The following HS6ST3 variants were observed in gnomAD, a reference collection of about 807,000 sequenced individuals.
HS6ST3 encodes heparan sulfate 6-O-sulfotransferase 3.
A neutral mutation model predicts 36.7 loss-of-function variants in HS6ST3; 12 were observed. That is an observed-to-expected ratio of 0.33 (90% confidence interval 0.21 to 0.53). The LOEUF is 0.53. Among genes scored for constraint, HS6ST3 ranks in the 20% least tolerant of loss-of-function variants. HS6ST3 has a pLI of 0.95. For synonymous variants in HS6ST3, 240 were observed against 257.5 expected, an observed-to-expected ratio of 0.93 and a Z score of 0.65; for missense variants, 584 against 640.9, an observed-to-expected ratio of 0.91 and a Z score of 0.96.
chr13:96,417,494 C>T (rs1040644177), intron 1 of HS6ST3, among the ~76,000 whole-genome samples: 9 of 151,624 alleles, frequency 5.9e-5, no homozygotes, highest in Admixed American at 2.0e-4. Context: ...TACTTCTTTA[C>T]TAGACTTGGA....
intron 1 of HS6ST3, among the ~76,000 whole-genome samples, chr13:96,722,072 C>G (rs1875863348): frequency 6.6e-6 from 1 of 152,092 alleles, no homozygotes; most frequent in Admixed American, 6.5e-5. Context: ...TTGAGACCAG[C>G]CTGGCCAACA....
intron 1 of HS6ST3, among the ~76,000 whole-genome samples, chr13:96,448,474 T>C (rs756654940): frequency 2.0e-5 from 3 of 152,174 alleles, no homozygotes; most frequent in Non-Finnish European, 2.9e-5. Context: ...AAACTTTCAG[T>C]CCTCATTTCT....
intron 1 of HS6ST3, among the ~76,000 whole-genome samples, chr13:96,557,728 A>G (rs1316214270): frequency 2.0e-5 from 3 of 152,206 alleles, no homozygotes; most frequent in Non-Finnish European, 4.4e-5. Flanking sequence ...GACATCCTCT[A>G]TCATGATAAT....
intron 1 of HS6ST3, among the ~76,000 whole-genome samples, chr13:96,190,513 T>C (rs1341927814): frequency 6.6e-6 from 1 of 152,104 alleles, no homozygotes; most frequent in African/African-American, 2.4e-5. Flanking sequence ...CAGTTATTCA[T>C]TCATTCATTC....
chr13:96,128,598 G>A (rs1393651763), intron 1 of HS6ST3, among the ~76,000 whole-genome samples: 1 of 152,120 alleles, frequency 6.6e-6, no homozygotes, highest in African/African-American at 2.4e-5. Context: ...TTAGTTTACT[G>A]GAGATTTGGG....
At chr13:96,515,286 T>C (rs951535875) in intron 1 of HS6ST3, among the ~76,000 whole-genome samples, 1 of 152,250 alleles carries the variant, frequency 6.6e-6, no homozygotes, top group Non-Finnish European at 1.5e-5. Flanking sequence ...TTATTATTGA[T>C]TGAATGAGTC....
intron 1 of HS6ST3, among the ~76,000 whole-genome samples, chr13:96,703,440 A>G (rs1875340816): frequency 6.6e-6 from 1 of 152,194 alleles, no homozygotes; most frequent in Non-Finnish European, 1.5e-5. Context: ...GAGAATGAAA[A>G]TAATGTTGTG....
At chr13:96,726,085 C>G (rs745953637) in intron 1 of HS6ST3, among the ~76,000 whole-genome samples, 1 of 152,158 alleles carries the variant, frequency 6.6e-6, no homozygotes, top group Non-Finnish European at 1.5e-5. Flanking sequence ...ATCCACCCTC[C>G]TCGGCCTCCC....
rs1038214879 is a variant in HS6ST3, at chr13:96,353,532, A to G, written c.707+261963A>G. On this transcript the variant is annotated intron_variant, in intron 1 of 1. Transcript: ENST00000376705. ...GAAAATATAAAGCTTAACTGAATGAAAGTATTAGAAGAAAATGTTACCAAA... is the reference window on the plus strand; with the variant it reads ...GAAAATATAAAGCTTAACTGAATGAGAGTATTAGAAGAAAATGTTACCAAA... 2.6e-5 allele frequency among the ~76,000 whole-genome samples: 4 copies of G among 152,140 alleles called. 1 individual carries two copies. Among genetic ancestry groups the G allele is most frequent in the African/African-American group, 9.7e-5 (4 of 41,440 alleles).
At chr13:96,366,647 A>T (rs924122960) in intron 1 of HS6ST3, among the ~76,000 whole-genome samples, 5 of 152,020 alleles carry the variant, frequency 3.3e-5, no homozygotes, top group Non-Finnish European at 5.9e-5. Context: ...GACCAATAAC[A>T]TCAGAATTCT....
intron 1 of HS6ST3, among the ~76,000 whole-genome samples, chr13:96,698,548 C>G (rs1875194986): frequency 6.6e-6 from 1 of 152,058 alleles, no homozygotes; most frequent in Non-Finnish European, 1.5e-5. Flanking sequence ...ATCCAACTTG[C>G]AAGAGACATG....
chr13:96,314,060 G>A (rs9554338), intron 1 of HS6ST3, among the ~76,000 whole-genome samples: 55,024 of 151,922 alleles, frequency 0.36, 10,299 homozygotes, highest in African/African-American at 0.43. Context: ...AATCAGCTGG[G>A]AATGATGGTG....
At chr13:96,517,218 TA>T (rs34202709) in intron 1 of HS6ST3, among the ~76,000 whole-genome samples, 119,649 of 147,818 alleles carry the variant, frequency 0.81, 49,362 homozygotes, top group Non-Finnish European at 0.9. Context: ...TGTTCCTATT[TA>T]AAAAAAAAAA....
intron 1 of HS6ST3, among the ~76,000 whole-genome samples, chr13:96,780,770 G>A (rs778939155): frequency 6.6e-6 from 1 of 151,974 alleles, no homozygotes; most frequent in Non-Finnish European, 1.5e-5. Context: ...AAGATAGAGT[G>A]GAATTGAGCT....
At chr13:96,214,073 A>T (rs952692173) in intron 1 of HS6ST3, among the ~76,000 whole-genome samples, 2 of 152,126 alleles carry the variant, frequency 1.3e-5, no homozygotes, top group Non-Finnish European at 2.9e-5. Flanking sequence ...TACTAACTTG[A>T]ATTTGGTGTG....
chr13:96,351,587 C>T (rs2055184674), intron 1 of HS6ST3, among the ~76,000 whole-genome samples: 1 of 152,150 alleles, frequency 6.6e-6, no homozygotes, highest in Non-Finnish European at 1.5e-5. Flanking sequence ...GCTGGGATTA[C>T]AGGTATGAGC....
rs145785267 is a variant in HS6ST3, at chr13:96,712,804, A to T, written c.708-119686A>T. On this transcript the variant is annotated intron_variant, in intron 1 of 1. Coordinates refer to ENST00000376705, the MANE Select transcript of HS6ST3 (RefSeq NM_153456.4). ...CACACCCAGTTCATTTAAAGGACTC[A>T]GTAGGTGTGATTTTATTCTTTCATT... is the stretch of plus-strand genomic sequence containing the variant. Among the ~76,000 whole-genome samples, 693 of 152,304 alleles carry T rather than the reference A, an allele frequency of 4.6e-3. 5 individuals carry two copies. The highest frequency in any genetic ancestry group is 0.015 in the African/African-American group (615 of 41,578).
At chr13:96,414,552 G>A (rs758636978) in intron 1 of HS6ST3, among the ~76,000 whole-genome samples, 1 of 151,500 alleles carries the variant, frequency 6.6e-6, no homozygotes, top group South Asian at 2.1e-4. Context: ...GTGTGATCTC[G>A]GCTCACTGCT....
At chr13:96,400,343 A>G (rs563929410) in intron 1 of HS6ST3, among the ~76,000 whole-genome samples, 6 of 151,900 alleles carry the variant, frequency 3.9e-5, no homozygotes, top group Admixed American at 3.9e-4. Context: ...ACACACATAC[A>G]AATTCTTGAC....
Sources: allele counts gnomAD v4.1 joint callset (sites outside exome capture counted in the v4.1 genomes callset), GRCh38; gene constraint gnomAD v4.1.1; transcripts MANE v1.5; gene names NCBI Gene and HGNC (gene_info 2026-07-23, HGNC 2026-07-21).